GALNT13: variants seen among roughly 807,000 people sequenced by gnomAD.
GALNT13 encodes the protein polypeptide N-acetylgalactosaminyltransferase 13.
Under a neutral mutation model 64.2 loss-of-function variants are expected in GALNT13, and 28 were observed. That is an observed-to-expected ratio of 0.44 (90% CI 0.32 to 0.60). The LOEUF (loss-of-function observed/expected upper bound fraction) is 0.60. Among genes scored for constraint, GALNT13 ranks in the 20% least tolerant of loss-of-function variants. The probability of loss-of-function intolerance (pLI) is 0.05; values close to 1 mark genes in which losing one functional copy is unlikely to be tolerated. For synonymous variants in GALNT13, 214 were observed against 224.6 expected (o/e 0.95, Z 0.42); for missense variants, 577 against 669.8 (o/e 0.86, Z 1.53).
At chr2:153,468,606 T>C in the GALNT13 span, among the ~76,000 whole-genome samples, 1 of 152,140 alleles carries the variant, frequency 6.6e-6, no homozygotes, top group African/African-American at 2.4e-5. Context: ...ATTGTTATTG[T>C]TTAAATAATA....
the GALNT13 span, among the ~76,000 whole-genome samples, chr2:153,614,832 T>C: frequency 6.6e-6 from 1 of 152,124 alleles, no homozygotes; most frequent in Non-Finnish European, 1.5e-5. Flanking sequence ...AAGCACACCA[T>C]GGAGTATTGG....
chr2:153,962,907 G>A (rs1693040828), intron 3 of GALNT13, among the ~76,000 whole-genome samples: 1 of 152,172 alleles, frequency 6.6e-6, no homozygotes, highest in African/African-American at 2.4e-5. Context: ...CAGCATAAGT[G>A]TTTTGAGATT....
At chr2:153,551,200 CT>C in the GALNT13 span, among the ~76,000 whole-genome samples, 2 of 152,098 alleles carry the variant, frequency 1.3e-5, no homozygotes, top group African/African-American at 4.8e-5. Flanking sequence ...GGGGAGGTGG[CT>C]TTTATGCTTC....
the GALNT13 span, among the ~76,000 whole-genome samples, chr2:153,273,055 C>G: frequency 6.6e-6 from 1 of 152,274 alleles, no homozygotes; most frequent in South Asian, 2.1e-4. Context: ...ACTGCATATT[C>G]TCACTCATAA....
chr2:153,411,121 G>A, the GALNT13 span, among the ~76,000 whole-genome samples: 1 of 150,826 alleles, frequency 6.6e-6, no homozygotes, highest in Non-Finnish European at 1.5e-5. Context: ...CTCCCAAAGT[G>A]CTGGTATTAC....
the GALNT13 span, among the ~76,000 whole-genome samples, chr2:153,749,970 T>C: frequency 2.3e-3 from 351 of 151,982 alleles, no homozygotes; most frequent in Non-Finnish European, 4.1e-3. Context: ...GGGCCTGTCA[T>C]ATATTGCTTT....
In GALNT13 at chr2:154,324,028, T is replaced by A. The variant is rs373067704; in HGVS notation, c.1156+22439T>A. ...ATCCTATTTTGGATATATAATACAT[T>A]CACATGATTCCAAAGTAAAAACAAT... On this transcript the variant is annotated intron_variant, in intron 9 of 12. Transcript: ENST00000392825. Among the ~76,000 whole-genome samples, 180 of 152,190 alleles carry A rather than the reference T, an allele frequency of 1.2e-3. 1 individual carries two copies. Among genetic ancestry groups the A allele is most frequent in the African/African-American group, 4.2e-3 (174 of 41,548 alleles).
At chr2:153,578,844 C>G in the GALNT13 span, among the ~76,000 whole-genome samples, 1 of 152,120 alleles carries the variant, frequency 6.6e-6, no homozygotes, top group Admixed American at 6.5e-5. Flanking sequence ...TGGCGTCACT[C>G]CTGGGATTGT....
intron 8 of GALNT13, among the ~76,000 whole-genome samples, chr2:154,260,409 GA>G (rs1340911749): frequency 1.3e-5 from 2 of 152,240 alleles, no homozygotes; most frequent in Admixed American, 1.3e-4. Flanking sequence ...CTCTACTGTA[GA>G]ATTCAGTGGA....
At chr2:153,920,617 TA>T (rs1689689130) in intron 2 of GALNT13, among the ~76,000 whole-genome samples, 1 of 151,754 alleles carries the variant, frequency 6.6e-6, no homozygotes, top group African/African-American at 2.4e-5. Flanking sequence ...GCAACAAAAA[TA>T]AAAATTGACA....
chr2:153,437,316 G>T, the GALNT13 span, among the ~76,000 whole-genome samples: 1 of 152,152 alleles, frequency 6.6e-6, no homozygotes. Context: ...ATTTTGGGTG[G>T]AGAGTTCTGT....
At chr2:154,244,593 A>T (rs1387290199) in intron 6 of GALNT13, among the ~76,000 whole-genome samples, 1 of 152,212 alleles carries the variant, frequency 6.6e-6, no homozygotes, top group Non-Finnish European at 1.5e-5. Flanking sequence ...CAAATATGAA[A>T]AACCAACTCT....
intron 4 of GALNT13, among the ~76,000 whole-genome samples, chr2:154,236,521 C>T (rs1001341430): frequency 2.0e-5 from 3 of 152,038 alleles, no homozygotes; most frequent in Non-Finnish European, 4.4e-5. Context: ...AAAAAATAAA[C>T]TTTCACTTCC....
chr2:153,406,596 G>A, the GALNT13 span, among the ~76,000 whole-genome samples: 1 of 151,978 alleles, frequency 6.6e-6, no homozygotes, highest in Non-Finnish European at 1.5e-5. Flanking sequence ...TTGATAGAAA[G>A]GGGGTTTTGC....
intron 1 of GALNT13, among the ~76,000 whole-genome samples, chr2:153,899,722 C>T (rs72863657): frequency 0.077 from 11,689 of 151,872 alleles, 512 homozygotes; most frequent in East Asian, 0.13. Flanking sequence ...AAAGCACAAC[C>T]TCTGTATTAT....
At chr2:153,597,478 T>C in the GALNT13 span, among the ~76,000 whole-genome samples, 3 of 152,054 alleles carry the variant, frequency 2.0e-5, no homozygotes, top group Admixed American at 1.3e-4. Context: ...TTTAAAAAAA[T>C]TCACTCAAAA....
upstream of GALNT13, among the ~76,000 whole-genome samples, chr2:153,870,072 A>C (rs1411513794): frequency 1.3e-5 from 2 of 151,908 alleles, no homozygotes; most frequent in African/African-American, 4.8e-5. Context: ...GCCATCCTAG[A>C]TCTCTAAACC....
chr2:154,220,564 GAAGAA>G (rs150230986), intron 4 of GALNT13, among the ~76,000 whole-genome samples: 2,954 of 152,048 alleles, frequency 0.019, 78 homozygotes, highest in African/African-American at 0.06. Flanking sequence ...ACATATTTCT[GAAGAA>G]AAGAAAAGTT....
the GALNT13 span, among the ~76,000 whole-genome samples, chr2:153,208,333 A>C: frequency 6.6e-6 from 1 of 152,132 alleles, no homozygotes; most frequent in African/African-American, 2.4e-5. Flanking sequence ...GCAACCTCTG[A>C]TCTGATCTTT....
Sources: gnomAD v4.1 joint callset for allele counts (sites outside exome capture counted in the v4.1 genomes callset) on GRCh38, gnomAD v4.1.1 for gene constraint, MANE v1.5 for transcripts, NCBI Gene and HGNC (gene_info 2026-07-23, HGNC 2026-07-21) for gene names.